Variants in CALD1 observed in about 807,000 individuals in gnomAD.
CALD1 encodes caldesmon 1.
In CALD1, 33 loss-of-function variants were observed where a neutral mutation model predicts 99.9. The ratio of observed to expected loss-of-function variants is 0.33; its 90% confidence interval spans 0.25 to 0.44. The LOEUF (loss-of-function observed/expected upper bound fraction) is 0.44, where lower values mean the gene tolerates loss of function less well. Among genes scored for constraint, CALD1 ranks in the 20% least tolerant of loss-of-function variants. The pLI is 1.00. For synonymous variants in CALD1, 310 were observed against 325.0 expected, an observed-to-expected ratio of 0.95 and a Z score of 0.50; for missense variants, 861 against 962.1, an observed-to-expected ratio of 0.89 and a Z score of 1.39.
the CALD1 span, among the ~76,000 whole-genome samples, chr7:134,711,628 T>TTCTCTCTC: frequency 0.088 from 5,576 of 63,500 alleles, 397 homozygotes; most frequent in East Asian, 0.23. Flanking sequence ...CAACCTCAGC[T>TTCTCTCTC]TCTCTCTCTC....
chr7:134,735,606 T>TGC, the CALD1 span, among the ~76,000 whole-genome samples: 1 of 150,804 alleles, frequency 6.6e-6, no homozygotes, highest in Admixed American at 6.6e-5. Context: ...TGTGTGTGTG[T>TGC]GTGTAGCTCT....
chr7:134,841,092 C>T (rs930662994), intron 1 of CALD1, among the ~76,000 whole-genome samples: 4 of 152,114 alleles, frequency 2.6e-5, no homozygotes, highest in African/African-American at 4.8e-5. Flanking sequence ...ATACACAATA[C>T]ATTTTTTTCG....
In CALD1 at chr7:134,970,666, G is replaced by A. The variant is rs1468114350; in HGVS notation, c.*2321G>A. 6.6e-6 allele frequency: 1 copy of A among 152,384 alleles called. No homozygotes were observed. Among genetic ancestry groups the A allele is most frequent in the East Asian group, 1.9e-4 (1 of 5,192 alleles). The allele number at this position is 152,384 out of a possible 1,614,324, so 9.4% of individuals were successfully genotyped here. A position where few individuals can be genotyped will look rare whatever the true frequency, so the allele number is the denominator to read the frequency against. ...ATGTCTTTTTCTCACTTATTTTTAT[G>A]TACAATATTGATAGTGAGAGGTATG... On this transcript the variant is annotated 3_prime_UTR_variant, in exon 15 of 15. Coordinates refer to ENST00000361675, the MANE Select transcript of CALD1 (RefSeq NM_033138.4).
At chr7:134,726,074 C>T in the CALD1 span, among the ~76,000 whole-genome samples, 14 of 152,060 alleles carry the variant, frequency 9.2e-5, no homozygotes, top group Admixed American at 7.9e-4. Flanking sequence ...CACCAAGTAA[C>T]TTAACTGAAT....
chr7:134,855,430 G>A (rs141423974), intron 2 of CALD1, among the ~76,000 whole-genome samples: 13 of 152,286 alleles, frequency 8.5e-5, no homozygotes, highest in Non-Finnish European at 1.6e-4. Flanking sequence ...ATGCTCATTC[G>A]TTTACAAGAG....
chr7:134,779,517 G>A (rs1797020238), upstream of CALD1: 2 of 393,318 alleles, frequency 5.1e-6, no homozygotes, highest in Non-Finnish European at 9.0e-6. Flanking sequence ...TTAGAAAAAC[G>A]ACAGGACAAT....
chr7:134,770,819 C>A (rs150911101), intron 1 of CALD1, among the ~76,000 whole-genome samples: 1 of 152,162 alleles, frequency 6.6e-6, no homozygotes, highest in Admixed American at 6.5e-5. Context: ...AAACATGTGA[C>A]GCCTCTTTAA....
intron 4 of CALD1, among the ~76,000 whole-genome samples, chr7:134,929,485 C>T (rs901078265): frequency 2.0e-5 from 3 of 150,442 alleles, no homozygotes; most frequent in African/African-American, 7.4e-5. Flanking sequence ...TAAGTGAGAA[C>T]ATTTGATATT....
rs527889275 is a variant in CALD1 at position 134,790,024 on chromosome 7, C to A, written c.-130+10275C>A. ...TTTTGCAGGTTTTCAGTGTTTTAGA[C>A]CTGGAATGAGAGGGAGTAAGAAAAG... On this transcript the variant is annotated intron_variant, in intron 1 of 14. Coordinates refer to ENST00000361675, the MANE Select transcript of CALD1 (RefSeq NM_033138.4). 3.4e-5 allele frequency among the ~76,000 whole-genome samples: 5 copies of A among 146,188 alleles called. No individual in the cohort carries two copies. The South Asian group carries it at 1.1e-3, about 32-fold the overall frequency.
At chr7:134,734,649 G>T in the CALD1 span, among the ~76,000 whole-genome samples, 3 of 152,112 alleles carry the variant, frequency 2.0e-5, no homozygotes, top group Non-Finnish European at 4.4e-5. Context: ...AGCTGTTCTT[G>T]TGATAGTGAA....
intron 11 of CALD1, among the ~76,000 whole-genome samples, chr7:134,958,823 T>C (rs1464552706): frequency 1.3e-5 from 2 of 149,664 alleles, no homozygotes; most frequent in Non-Finnish European, 3.0e-5. Flanking sequence ...AGCGTGAATA[T>C]TGTTTAATGA....
At chr7:134,857,158 CTTTTTTTTT>C (rs59210460) in intron 2 of CALD1, among the ~76,000 whole-genome samples, 49 of 75,368 alleles carry the variant, frequency 6.5e-4, no homozygotes, top group African/African-American at 2.0e-3. Flanking sequence ...TTGCGCTATT[CTTTTTTTTT>C]TTTTTTTTTT....
At chr7:134,870,930 G>T (rs1801043097) in intron 3 of CALD1, among the ~76,000 whole-genome samples, 1 of 152,172 alleles carries the variant, frequency 6.6e-6, no homozygotes, top group African/African-American at 2.4e-5. Flanking sequence ...CAGGCTTCAT[G>T]GTTCAGCCAG....
rs561063540 is a variant in CALD1 at position 134,783,677 on chromosome 7, C to T, written c.-130+3928C>T. 3.3e-5 allele frequency among the ~76,000 whole-genome samples: 5 copies of T among 152,236 alleles called. No homozygotes were observed. In the East Asian group the frequency reaches 7.7e-4, roughly 23 times the overall value. On this transcript the variant is annotated intron_variant, in intron 1 of 14. Coordinates refer to ENST00000361675, the MANE Select transcript of CALD1 (RefSeq NM_033138.4). This position sits in a 1 kb window ranked among gnomAD's most constrained non-coding sequence, Gnocchi z 4.3. Reference sequence around the variant, plus strand: ...GAGAATCTGATAAAAACTGTGAACCCTTAAGGTCCCTTTGTAAACCCACGC... The same window carrying T: ...GAGAATCTGATAAAAACTGTGAACCTTTAAGGTCCCTTTGTAAACCCACGC...
intron 1 of CALD1, among the ~76,000 whole-genome samples, chr7:134,815,975 A>G (rs1798546217): frequency 6.6e-6 from 1 of 152,170 alleles, no homozygotes; most frequent in Non-Finnish European, 1.5e-5. Flanking sequence ...TGTGATAACC[A>G]GGGTCATTCA....
At chr7:134,916,813 G>C (rs1218051857) in intron 3 of CALD1, among the ~76,000 whole-genome samples, 1 of 152,200 alleles carries the variant, frequency 6.6e-6, no homozygotes, top group East Asian at 1.9e-4. Context: ...ATGGACTTTA[G>C]TATTGCATCA....
chr7:134,728,181 A>G, the CALD1 span, among the ~76,000 whole-genome samples: 1 of 73,266 alleles, frequency 1.4e-5, no homozygotes, highest in Non-Finnish European at 2.6e-5. Flanking sequence ...TGGCCTGACC[A>G]ACCTGCTTCC....
At chr7:134,836,346 A>T (rs2132111973) in intron 1 of CALD1, among the ~76,000 whole-genome samples, 1 of 152,220 alleles carries the variant, frequency 6.6e-6, no homozygotes, top group Middle Eastern at 3.4e-3. Context: ...CCATTGGAAA[A>T]TTTAATATAC....
At chr7:134,852,784 G>C (rs1390210380) in intron 2 of CALD1, among the ~76,000 whole-genome samples, 1 of 152,140 alleles carries the variant, frequency 6.6e-6, no homozygotes, top group Non-Finnish European at 1.5e-5. Flanking sequence ...CTGAGACCTT[G>C]ACTTAAATCT....
Sources: allele counts gnomAD v4.1 joint callset (sites outside exome capture counted in the v4.1 genomes callset), GRCh38; gene constraint gnomAD v4.1.1; non-coding constraint Gnocchi (gnomAD v3.1); transcripts MANE v1.5; gene names NCBI Gene and HGNC (gene_info 2026-07-23, HGNC 2026-07-21).